Variants in CPN1 observed in about 807,000 individuals in gnomAD.
The protein encoded by CPN1 is carboxypeptidase N subunit 1.
A neutral mutation model predicts 46.4 loss-of-function variants in CPN1; 37 were observed. The observed-to-expected ratio is 0.80, with a 90% CI of 0.61 to 1.05. CPN1 has a LOEUF of 1.05. CPN1 is among the 50% of genes least tolerant of loss of function. The pLI is 0.00. For synonymous variants in CPN1, 224 were observed against 235.4 expected, an observed-to-expected ratio of 0.95 and a Z score of 0.44; for missense variants, 563 against 602.6, an observed-to-expected ratio of 0.93 and a Z score of 0.69.
At chr10:100,067,709 AG>A (rs2041462157) in intron 3 of CPN1, among the ~76,000 whole-genome samples, 1 of 152,250 alleles carries the variant, frequency 6.6e-6, no homozygotes, top group Non-Finnish European at 1.5e-5. Flanking sequence ...CAGGCCCACC[AG>A]CAGGGTGAAA....
rs763787726 is a variant in CPN1, at chr10:100,065,229, T to TGCGGCGGACCCCTCGGACCC, written c.698_717dup (p.Thr240GlyfsTer77). On this transcript the variant is annotated frameshift_variant, in exon 4 of 9. Transcript: ENST00000370418. LOFTEE classifies it high-confidence loss of function. ...TCGTCAGGCGTGGGGGTGCTGGCGG[T>TGCGGCGGACCCCTCGGACCC]GCGGCGGACCCCTCGGACCCGGTGC... The TGCGGCGGACCCCTCGGACCC allele has an allele frequency of 6.2e-7, 1 of 1,613,850 alleles. No homozygotes were observed. Among genetic ancestry groups the TGCGGCGGACCCCTCGGACCC allele is most frequent in the South Asian group, 1.1e-5 (1 of 91,058 alleles).
At chr10:100,079,339 A>G (rs2041531764) in intron 1 of CPN1, among the ~76,000 whole-genome samples, 2 of 152,246 alleles carry the variant, frequency 1.3e-5, no homozygotes, top group South Asian at 4.1e-4. Flanking sequence ...TGATTGGTAA[A>G]TATTTGTGGA....
At position 100,075,771 on chromosome 10, in the gene CPN1, A is replaced by AT. The variant is rs1406710836; in HGVS notation, c.420+139dup. On this transcript the variant is annotated intron_variant, in intron 2 of 8. Coordinates refer to ENST00000370418, the MANE Select transcript of CPN1 (RefSeq NM_001308.3). ...TCATCCTTTCTTATATTTCTGATGG[A>AT]TTTTTTCTCTTGGCCATTTCATCTT... 33 of 959,808 alleles carry AT rather than the reference A, an allele frequency of 3.4e-5. No homozygotes were observed. In the Admixed American group the frequency reaches 5.3e-4, roughly 15 times the overall value. The allele number at this position is 959,808 out of a possible 1,614,324, so 59.5% of individuals were successfully genotyped here. A position where few individuals can be genotyped will look rare whatever the true frequency, so the allele number is the denominator to read the frequency against.
chr10:100,044,946 A>G (rs1053060283), intron 8 of CPN1, among the ~76,000 whole-genome samples: 2 of 152,176 alleles, frequency 1.3e-5, no homozygotes, highest in Non-Finnish European at 2.9e-5. Flanking sequence ...CCTGACCTCA[A>G]GTGATCCGCC....
chr10:100,057,244 G>C (rs1446590568), intron 5 of CPN1, 92 bp from the exon 6 acceptor site: 1 of 1,446,908 alleles, frequency 6.9e-7, no homozygotes, highest in African/African-American at 1.4e-5. Context: ...AAAATTTTCT[G>C]TTTTTATTTA....
intron 8 of CPN1, among the ~76,000 whole-genome samples, chr10:100,046,420 C>T (rs901694085): frequency 2.6e-5 from 4 of 152,218 alleles, no homozygotes; most frequent in Non-Finnish European, 5.9e-5. Context: ...TGCAGTGAGC[C>T]ATGACTGTAC....
rs115166271 is a variant in CPN1, at chr10:100,075,968, C to T, written c.363G>A (p.Thr121=). ...NQRIVQLIQD[T]RIHILPSMNP... The stretch of plus-strand genomic sequence containing the variant: ...TCATGGATGGCAGGATGTGAATGCG[C>T]GTGTCCTGGATGAGCTGGACGATGC... The change falls in exon 2 of 9, where the codon ACG becomes ACA. Residue 121 remains threonine (T), a synonymous_variant. Coordinates refer to ENST00000370418, the MANE Select transcript of CPN1 (RefSeq NM_001308.3). 2.4e-5 allele frequency: 39 copies of T among 1,614,158 alleles called. No individual in the cohort carries two copies. In the South Asian group the frequency reaches 3.8e-4, roughly 16 times the overall value.
At chr10:100,055,452 G>A (rs2041380044) in intron 6 of CPN1, among the ~76,000 whole-genome samples, 1 of 149,422 alleles carries the variant, frequency 6.7e-6, no homozygotes, top group Admixed American at 6.8e-5. Flanking sequence ...TACAGTATTT[G>A]TCTTTTTGTG....
chr10:100,065,371 C>G lies in CPN1; in HGVS notation c.577-1G>C, dbSNP rs2041449127. 6.2e-7 allele frequency: 1 copy of G among 1,614,116 alleles called. No homozygotes were observed. Among genetic ancestry groups the G allele is most frequent in the Non-Finnish European group, 8.5e-7 (1 of 1,180,012 alleles). On this transcript the variant is annotated splice_acceptor_variant, in intron 3 of 8. Coordinates refer to ENST00000370418, the MANE Select transcript of CPN1 (RefSeq NM_001308.3). LOFTEE classifies it high-confidence loss of function. Reference sequence around the variant, plus strand: ...TCACCGCCCGGGTCTCGGGTTCCACCTGGGAGGAGGCGAGAGGTTGGCGGT... The same window carrying G: ...TCACCGCCCGGGTCTCGGGTTCCACGTGGGAGGAGGCGAGAGGTTGGCGGT...
chr10:100,081,814 A>C lies in CPN1; in HGVS notation c.-189T>G, dbSNP rs2041549115. ...TTATGTCGTTCTGGAATAGCCACTC[A>C]TCTCTCCTCCCTCACTCCCTTTCTT... On this transcript the variant is annotated 5_prime_UTR_variant, in exon 1 of 9. The change abolishes an upstream ATG in the 5' untranslated region. Coordinates refer to ENST00000370418, the MANE Select transcript of CPN1 (RefSeq NM_001308.3). The C allele has an allele frequency of 1.6e-6, 1 of 634,050 alleles. No individual in the cohort carries two copies. Among genetic ancestry groups the C allele is most frequent in the African/African-American group, 1.8e-5 (1 of 55,448 alleles). 39.3% of individuals were successfully genotyped at this position (634,050 alleles called of 1,614,324 possible).
intron 8 of CPN1, among the ~76,000 whole-genome samples, chr10:100,047,280 A>C (rs936497006): frequency 6.6e-6 from 1 of 151,876 alleles, no homozygotes; most frequent in Non-Finnish European, 1.5e-5. Context: ...GAGATATCTG[A>C]CCTATCTTGT....
chr10:100,055,236 TA>T (rs879670786), intron 6 of CPN1, among the ~76,000 whole-genome samples: 272 of 143,564 alleles, frequency 1.9e-3, no homozygotes, highest in Middle Eastern at 3.5e-3. Flanking sequence ...AGACTCCATC[TA>T]AAAAAAAAAA....
chr10:100,056,201 G>C (rs1461253036), intron 6 of CPN1, among the ~76,000 whole-genome samples: 1 of 152,106 alleles, frequency 6.6e-6, no homozygotes, highest in Non-Finnish European at 1.5e-5. Flanking sequence ...TCAATTTGAG[G>C]TGGAATCTCA....
intron 2 of CPN1, among the ~76,000 whole-genome samples, chr10:100,075,437 C>G (rs570259436): frequency 6.6e-6 from 1 of 152,232 alleles, no homozygotes; most frequent in East Asian, 1.9e-4. Context: ...AGAATTAGCC[C>G]CCTACCCCCA....
intron 2 of CPN1, 59 bp downstream of exon 2, chr10:100,075,852 G>A: frequency 6.5e-7 from 1 of 1,541,642 alleles, no homozygotes; most frequent in African/African-American, 1.4e-5. Context: ...CTTGTCCACT[G>A]GACTTTATTT....
At chr10:100,057,677 C>T (rs2041392776) in intron 5 of CPN1, among the ~76,000 whole-genome samples, 1 of 151,970 alleles carries the variant, frequency 6.6e-6, no homozygotes, top group Non-Finnish European at 1.5e-5. Context: ...CATTTTGGTT[C>T]TCAGGGCTTA....
intron 8 of CPN1, among the ~76,000 whole-genome samples, chr10:100,042,882 A>G (rs1322243266): frequency 6.6e-6 from 1 of 151,968 alleles, no homozygotes; most frequent in Admixed American, 6.6e-5. Flanking sequence ...ACCTGAGGTC[A>G]GGAGTTCAAG....
At chr10:100,073,215 A>G (rs2041495735) in intron 2 of CPN1, among the ~76,000 whole-genome samples, 1 of 152,132 alleles carries the variant, frequency 6.6e-6, no homozygotes, top group South Asian at 2.1e-4. Context: ...AGTGGAAAAC[A>G]TTTATTGGAT....
rs1307904647 is a variant in CPN1, at chr10:100,081,296, C to T, written c.223+107G>A. 30 of 927,632 alleles carry T rather than the reference C, an allele frequency of 3.2e-5. No homozygotes were observed. In the Admixed American group the frequency reaches 3.8e-4, roughly 12 times the overall value. 57.5% of individuals were successfully genotyped at this position (927,632 alleles called of 1,614,324 possible). On this transcript the variant is annotated intron_variant, in intron 1 of 8. Transcript: ENST00000370418. Reference sequence around the variant, plus strand: ...GCACAGGCTGAGAAAGAGATAATACCTTGTAGGCGGAGGCGTCCACGGACC... The same window carrying T: ...GCACAGGCTGAGAAAGAGATAATACTTTGTAGGCGGAGGCGTCCACGGACC...
Sources: gnomAD v4.1 joint callset for allele counts (sites outside exome capture counted in the v4.1 genomes callset) on GRCh38, gnomAD v4.1.1 for gene constraint, MANE v1.5 for transcripts, NCBI Gene and HGNC (gene_info 2026-07-23, HGNC 2026-07-21) for gene names.